Variants in NGEF observed in about 807,000 individuals in gnomAD.
NGEF encodes the protein ephexin-1.
NGEF carries 31 observed loss-of-function variants against 80.9 expected under a neutral mutation model. The ratio of observed to expected loss-of-function variants is 0.38; its 90% confidence interval spans 0.29 to 0.52. The LOEUF (loss-of-function observed/expected upper bound fraction) is 0.52. Among genes scored for constraint, NGEF ranks in the 20% least tolerant of loss-of-function variants. The pLI, the probability that NGEF is intolerant of heterozygous loss-of-function variation, is 0.84. For synonymous variants in NGEF, 371 were observed against 370.2 expected (o/e 1.00, Z -0.03); for missense variants, 709 against 926.2 (o/e 0.77, Z 3.04).
chr2:232,937,007 T>C (rs1219251773), intron 3 of NGEF, among the ~76,000 whole-genome samples: 1 of 152,208 alleles, frequency 6.6e-6, no homozygotes, highest in Admixed American at 6.5e-5. Context: ...TTCACTCTCA[T>C]AGCCCAGGCT....
chr2:232,948,825 C>T (rs1373114173), intron 3 of NGEF, among the ~76,000 whole-genome samples: 4 of 152,044 alleles, frequency 2.6e-5, no homozygotes, highest in Non-Finnish European at 5.9e-5. Context: ...TGAGACTCGC[C>T]TGGCCAACAT....
chr2:232,889,132 C>G (rs571482163), intron 8 of NGEF, among the ~76,000 whole-genome samples: 11 of 152,316 alleles, frequency 7.2e-5, no homozygotes, highest in Admixed American at 2.0e-4. Context: ...CCCACAGCCA[C>G]CTTCCTGCTT....
chr2:232,990,247 A>G (rs562066728), intron 1 of NGEF, among the ~76,000 whole-genome samples: 1 of 152,254 alleles, frequency 6.6e-6, no homozygotes, highest in South Asian at 2.1e-4. Flanking sequence ...AACAAAAACA[A>G]GTTAGAAAGT....
At chr2:233,011,009 T>C (rs1388079236) in intron 1 of NGEF, among the ~76,000 whole-genome samples, 1 of 152,100 alleles carries the variant, frequency 6.6e-6, no homozygotes, top group Non-Finnish European at 1.5e-5. Flanking sequence ...AGGCAGCCCA[T>C]CCAGGCTCAG....
rs530925281 is a variant in NGEF at position 233,003,603 on chromosome 2, C to T, written c.-75+9465G>A. Among the ~76,000 whole-genome samples, 5 of 152,312 alleles carry T rather than the reference C, an allele frequency of 3.3e-5. No homozygotes were observed. The East Asian group carries it at 9.7e-4, about 29-fold the overall frequency. On this transcript the variant is annotated intron_variant, in intron 1 of 14. Transcript: ENST00000264051. The stretch of plus-strand genomic sequence containing the variant: ...ACACATACCACCCTGCCCTACCACC[C>T]CCACTGAAGTCCATGGAGACGTCTG...
intron 3 of NGEF, among the ~76,000 whole-genome samples, chr2:232,943,661 A>C (rs1231259865): frequency 6.6e-6 from 1 of 151,014 alleles, no homozygotes; most frequent in African/African-American, 2.4e-5. Flanking sequence ...AGACCCGACT[A>C]ATTTTTTGTA....
intron 5 of NGEF, among the ~76,000 whole-genome samples, chr2:232,906,253 A>T (rs868207940): frequency 1.3e-5 from 1 of 76,424 alleles, no homozygotes; most frequent in Admixed American, 1.2e-4. Flanking sequence ...CAGCCGCCCC[A>T]TCCGGGAGGT....
In NGEF at chr2:232,883,354, C is replaced by T. The variant is rs745959146; in HGVS notation, c.1714G>A (p.Ala572Thr). Reference sequence around the variant, plus strand: ...ATGTAGGTGGCCTCCCGGTCATCTGCGTTCTCCAGCAGCCGCAGGATGAAC... The same window carrying T: ...ATGTAGGTGGCCTCCCGGTCATCTGTGTTCTCCAGCAGCCGCAGGATGAAC... ...NVFILRLLEN[A>T]DDREATYMLK... Residue 572 changes from alanine to threonine, a missense_variant, in exon 12 of 15, where the codon GCA becomes ACA. This residue lies in a region of NGEF where 426 missense variants were observed against 622.9 expected (regional missense o/e 0.68). Transcript: ENST00000264051. The T allele has an allele frequency of 4.0e-5, 65 of 1,612,382 alleles. No individual in the cohort carries two copies. Among genetic ancestry groups the T allele is most frequent in the Non-Finnish European group, 5.3e-5 (62 of 1,179,330 alleles).
At chr2:232,977,548 C>G (rs886439962) in intron 1 of NGEF, among the ~76,000 whole-genome samples, 1 of 152,236 alleles carries the variant, frequency 6.6e-6, no homozygotes, top group African/African-American at 2.4e-5. Context: ...CTGTGCCTAC[C>G]ACCTCACCCA....
intron 6 of NGEF, 96 bp from the exon 7 acceptor site, chr2:232,893,146 G>A: frequency 7.7e-7 from 1 of 1,290,656 alleles, no homozygotes; most frequent in Non-Finnish European, 1.1e-6. Flanking sequence ...TTGGACATTG[G>A]ACATAGCAGT....
intron 1 of NGEF, among the ~76,000 whole-genome samples, chr2:233,004,816 C>G (rs561199910): frequency 6.6e-6 from 1 of 151,848 alleles, no homozygotes; most frequent in African/African-American, 2.4e-5. Flanking sequence ...GGCCTTTCTT[C>G]GGGGCTGTGT....
intron 1 of NGEF, among the ~76,000 whole-genome samples, chr2:232,991,816 T>C (rs1221460866): frequency 2.0e-5 from 3 of 152,234 alleles, no homozygotes; most frequent in Non-Finnish European, 4.4e-5. Flanking sequence ...TCACACTTCC[T>C]GATTTAAAAA....
At chr2:232,927,529 A>G (rs11893201) in intron 3 of NGEF, among the ~76,000 whole-genome samples, 10,768 of 151,778 alleles carry the variant, frequency 0.071, 443 homozygotes, top group East Asian at 0.17. Flanking sequence ...CCAGGAAGCC[A>G]CTCGGCGCCC....
chr2:232,987,751 C>T (rs929104933), intron 1 of NGEF, among the ~76,000 whole-genome samples: 6 of 152,138 alleles, frequency 3.9e-5, no homozygotes. Context: ...AGACTTTGTT[C>T]CATGGGGCTC....
chr2:232,967,684 A>G (rs367748233), intron 3 of NGEF, among the ~76,000 whole-genome samples: 1 of 147,378 alleles, frequency 6.8e-6, no homozygotes, highest in East Asian at 2.0e-4. Flanking sequence ...CATAATATCT[A>G]ATTACATGCA....
intron 8 of NGEF, chr2:232,890,867 C>T (rs1028317336): frequency 1.1e-5 from 5 of 470,262 alleles, no homozygotes; most frequent in Admixed American, 2.4e-5. Context: ...CCTCTGTCCC[C>T]ATCTCCACAC....
At chr2:232,970,157 A>C (rs979105842) in intron 3 of NGEF, 57 bp downstream of exon 3, 44 of 965,410 alleles carry the variant, frequency 4.6e-5, no homozygotes, top group Admixed American at 3.2e-4. Context: ...CTTTGCAGCA[A>C]TGACCTCTGA....
chr2:232,995,694 T>C (rs1694825622), intron 1 of NGEF, among the ~76,000 whole-genome samples: 1 of 142,142 alleles, frequency 7.0e-6, no homozygotes, highest in African/African-American at 2.6e-5. Flanking sequence ...TATTATAGTG[T>C]ATGTATTATA....
intron 1 of NGEF, among the ~76,000 whole-genome samples, chr2:232,994,290 A>T (rs1016951962): frequency 2.0e-5 from 3 of 151,524 alleles, no homozygotes; most frequent in Non-Finnish European, 4.4e-5. Context: ...GAATCACTTG[A>T]ACCCGGGAGG....
Sources: gnomAD v4.1 joint callset for allele counts (sites outside exome capture counted in the v4.1 genomes callset) on GRCh38, gnomAD v4.1.1 for gene constraint, gnomAD v4.1.1 regional missense constraint, MANE v1.5 for transcripts, NCBI Gene and HGNC (gene_info 2026-07-23, HGNC 2026-07-21) for gene names.